SUMF1: variants seen among roughly 807,000 people sequenced by gnomAD.
The protein encoded by SUMF1 is formylglycine-generating enzyme.
A neutral mutation model predicts 47.6 loss-of-function variants in SUMF1; 48 were observed. The observed-to-expected ratio is 1.01, with a 90% CI of 0.80 to 1.28. SUMF1 has a LOEUF of 1.28. SUMF1 is among the 50% of genes most tolerant of loss of function. The probability of loss-of-function intolerance (pLI) is 0.00; values close to 1 mark genes in which losing one functional copy is unlikely to be tolerated. For missense variants in SUMF1, 571 were observed against 485.4 expected (o/e 1.18, Z -1.66); for synonymous variants, 230 against 192.1 (o/e 1.20, Z -1.63).
chr3:4,370,224 G>A (rs1279998340), intron 8 of SUMF1, among the ~76,000 whole-genome samples: 3 of 152,204 alleles, frequency 2.0e-5, no homozygotes, highest in Non-Finnish European at 4.4e-5. Context: ...TTCCAGGCAA[G>A]AGTAATGACT....
intron 8 of SUMF1, among the ~76,000 whole-genome samples, chr3:4,098,427 A>G (rs1397119123): frequency 2.6e-5 from 4 of 152,108 alleles, no homozygotes; most frequent in Non-Finnish European, 2.9e-5. Context: ...TGTGTGCCTC[A>G]CCTACATTTT....
At chr3:4,207,827 A>T (rs571104533) in intron 8 of SUMF1, among the ~76,000 whole-genome samples, 1 of 152,192 alleles carries the variant, frequency 6.6e-6, no homozygotes, top group East Asian at 1.9e-4. Context: ...GAAACTCACA[A>T]GAAGAAATTC....
intron 8 of SUMF1, among the ~76,000 whole-genome samples, chr3:4,223,562 G>C (rs185252910): frequency 2.0e-3 from 298 of 152,202 alleles, no homozygotes; most frequent in Admixed American, 5.2e-3. Flanking sequence ...ATGAGACAGA[G>C]GCCACTTCTC....
intron 3 of SUMF1, among the ~76,000 whole-genome samples, chr3:4,442,307 G>C (rs553760451): frequency 3.1e-4 from 47 of 150,980 alleles, no homozygotes; most frequent in African/African-American, 1.1e-3. Context: ...CCAGGCTGGA[G>C]TGCGGTGGCG....
chr3:4,378,662 T>TA (rs1700403464), intron 7 of SUMF1, among the ~76,000 whole-genome samples: 1 of 152,190 alleles, frequency 6.6e-6, no homozygotes, highest in South Asian at 2.1e-4. Context: ...ATAAGACAAT[T>TA]ACCAAGAATT....
intron 8 of SUMF1, among the ~76,000 whole-genome samples, chr3:4,283,205 C>T (rs533617965): frequency 2.0e-5 from 3 of 152,308 alleles, no homozygotes; most frequent in African/African-American, 7.2e-5. Context: ...AAACCACCCC[C>T]ACTTTCAACT....
At chr3:4,456,805 T>TATATACAC (rs1473004746) in intron 1 of SUMF1, among the ~76,000 whole-genome samples, 22 of 145,114 alleles carry the variant, frequency 1.5e-4, no homozygotes, top group African/African-American at 5.6e-4. Flanking sequence ...TATACGTGTA[T>TATATACAC]ATATATACGT....
intron 8 of SUMF1, among the ~76,000 whole-genome samples, chr3:4,257,528 A>G (rs1479679225): frequency 6.6e-6 from 1 of 151,776 alleles, no homozygotes; most frequent in South Asian, 2.1e-4. Flanking sequence ...CAAAGAGAAT[A>G]AAATACCTAG....
intron 8 of SUMF1, among the ~76,000 whole-genome samples, chr3:4,326,216 A>T (rs888454855): frequency 4.6e-5 from 7 of 152,204 alleles, no homozygotes; most frequent in African/African-American, 1.4e-4. Context: ...TTTTAGTCTC[A>T]TTATACTTGG....
At chr3:4,335,189 C>T (rs1699121005) in intron 8 of SUMF1, among the ~76,000 whole-genome samples, 1 of 152,168 alleles carries the variant, frequency 6.6e-6, no homozygotes, top group African/African-American at 2.4e-5. Flanking sequence ...GCAGCCTAGC[C>T]ATCCTCCCAC....
chr3:4,340,738 G>A (rs1559233183), intron 8 of SUMF1, among the ~76,000 whole-genome samples: 1 of 152,190 alleles, frequency 6.6e-6, no homozygotes, highest in African/African-American at 2.4e-5. Context: ...AAGAGAGATC[G>A]TGTGAGAGCA....
intron 6 of SUMF1, 69 bp from the exon 7 acceptor site, chr3:4,411,047 A>T: frequency 8.2e-7 from 1 of 1,224,728 alleles, no homozygotes; most frequent in South Asian, 1.2e-5. Context: ...TCAGTGCAGA[A>T]ATGCAGCAAG....
rs368800184 is a variant in SUMF1 at position 4,407,623 on chromosome 3, C to A, written c.954+3242G>T. On this transcript the variant is annotated intron_variant, in intron 7 of 8. Transcript: ENST00000272902. ...TTGCTAAGCACTAGAGATACACAGT[C>A]CATTAGGGAAGAAAAGCAAATAAAT... Among the ~76,000 whole-genome samples, 16 of 152,182 alleles carry A rather than the reference C, an allele frequency of 1.1e-4. No individual in the cohort carries two copies. In the South Asian group the frequency reaches 3.1e-3, roughly 30 times the overall value.
At chr3:4,049,882 T>G (rs1450567150) in intron 9 of SUMF1, among the ~76,000 whole-genome samples, 1 of 152,030 alleles carries the variant, frequency 6.6e-6, no homozygotes, top group Non-Finnish European at 1.5e-5. Context: ...TGGAAATTGC[T>G]CTCAATGAGA....
intron 7 of SUMF1, among the ~76,000 whole-genome samples, chr3:4,405,647 C>A (rs1014581093): frequency 1.3e-5 from 2 of 152,214 alleles, no homozygotes; most frequent in South Asian, 4.1e-4. Context: ...CTCAGCCTCC[C>A]AGAGTGCTGG....
At chr3:4,136,377 T>C (rs1359859427) in intron 8 of SUMF1, among the ~76,000 whole-genome samples, 2 of 152,144 alleles carry the variant, frequency 1.3e-5, no homozygotes, top group Non-Finnish European at 2.9e-5. Context: ...GGGAAAGGAC[T>C]CCCTATTTAA....
chr3:4,375,096 A>G (rs1489092771), intron 8 of SUMF1, among the ~76,000 whole-genome samples: 1 of 141,474 alleles, frequency 7.1e-6, no homozygotes, highest in Non-Finnish European at 1.5e-5. Flanking sequence ...TGATTGTGCC[A>G]CTGCACCTCA....
At chr3:4,242,003 G>A (rs1696548153) in intron 8 of SUMF1, among the ~76,000 whole-genome samples, 1 of 152,110 alleles carries the variant, frequency 6.6e-6, no homozygotes, top group Non-Finnish European at 1.5e-5. Context: ...GTTCCCTACT[G>A]CACACGTGCT....
At chr3:4,175,583 G>T (rs541051209) in intron 8 of SUMF1, among the ~76,000 whole-genome samples, 1 of 152,304 alleles carries the variant, frequency 6.6e-6, no homozygotes, top group Admixed American at 6.5e-5. Flanking sequence ...AAGATGGGGA[G>T]AAACCACAGC....
Sources: allele counts gnomAD v4.1 joint callset (sites outside exome capture counted in the v4.1 genomes callset), GRCh38; gene constraint gnomAD v4.1.1; transcripts MANE v1.5; gene names NCBI Gene and HGNC (gene_info 2026-07-23, HGNC 2026-07-21).